GTF2F2: variants seen among roughly 807,000 people sequenced by gnomAD.
GTF2F2 encodes general transcription factor IIF subunit 2.
Under a neutral mutation model 42.2 loss-of-function variants are expected in GTF2F2, and 23 were observed. The ratio of observed to expected loss-of-function variants is 0.55; its 90% CI spans 0.39 to 0.77. The LOEUF (loss-of-function observed/expected upper bound fraction) is 0.77. Among genes scored for constraint, GTF2F2 ranks in the 30% least tolerant of loss-of-function variants. GTF2F2 has a pLI of 0.00. For missense variants in GTF2F2, 261 were observed against 287.2 expected (o/e 0.91, Z 0.66); for synonymous variants, 105 against 100.8 (o/e 1.04, Z -0.25).
intron 5 of GTF2F2, among the ~76,000 whole-genome samples, chr13:45,231,025 T>A (rs1381790651): frequency 6.6e-6 from 1 of 152,026 alleles, no homozygotes; most frequent in Non-Finnish European, 1.5e-5. Flanking sequence ...TAATTGTTTG[T>A]CATTGTATCA....
intron 4 of GTF2F2, among the ~76,000 whole-genome samples, chr13:45,197,208 A>G (rs1313043682): frequency 6.6e-6 from 1 of 151,668 alleles, no homozygotes; most frequent in Non-Finnish European, 1.5e-5. Context: ...TAAAGAAGAA[A>G]AATGTAGGCC....
chr13:45,271,288 A>G (rs1013096883), intron 7 of GTF2F2, among the ~76,000 whole-genome samples: 1 of 151,966 alleles, frequency 6.6e-6, no homozygotes, highest in Non-Finnish European at 1.5e-5. Context: ...AAAGAAAAAA[A>G]AAAAGAAAAC....
rs190215996 is a variant in GTF2F2 at position 45,247,068 on chromosome 13, G to A, written c.387-5803G>A. 2.0e-3 allele frequency among the ~76,000 whole-genome samples: 293 copies of A among 143,924 alleles called. 3 individuals are homozygous for A. Among genetic ancestry groups the A allele is most frequent in the African/African-American group, 7.1e-3 (275 of 38,670 alleles). 94.4% of individuals were successfully genotyped at this position (143,924 alleles called of 152,430 possible). A position where few individuals can be genotyped will look rare whatever the true frequency, so the allele number is the denominator to read the frequency against. ...AAAAAAAAAAAAAGTTAAGCTTCTT[G>A]GCTGGGCACTGCGGCTCACGCCTGT... On this transcript the variant is annotated intron_variant, in intron 5 of 7. Coordinates refer to ENST00000340473, the MANE Select transcript of GTF2F2 (RefSeq NM_004128.3).
chr13:45,126,797 T>C (rs1593442240), intron 1 of GTF2F2, among the ~76,000 whole-genome samples: 4 of 152,322 alleles, frequency 2.6e-5, no homozygotes, highest in African/African-American at 9.6e-5. Context: ...TTTCTGTGCA[T>C]GTGAATAGCA....
At position 45,126,245 on chromosome 13, in the gene GTF2F2, C is replaced by CTTT. The variant is rs11383296; in HGVS notation, c.66+5546_66+5548dup. Among the ~76,000 whole-genome samples, 232 of 100,602 alleles carry CTTT rather than the reference C, an allele frequency of 2.3e-3. 2 individuals are homozygous for CTTT. Among genetic ancestry groups the CTTT allele is most frequent in the African/African-American group, 6.1e-3 (140 of 22,932 alleles). The allele number at this position is 100,602 out of a possible 152,430, so 66.0% of individuals were successfully genotyped here. The stretch of plus-strand genomic sequence containing the variant: ...ACCTTGGCTTCAAAGGGAAGAACGA[C>CTTT]TTTTTTTTTTTTTTTTTTTTTTTTG... On this transcript the variant is annotated intron_variant, in intron 1 of 7. Transcript: ENST00000340473.
At chr13:45,194,981 G>T (rs1369042501) in intron 4 of GTF2F2, among the ~76,000 whole-genome samples, 1 of 152,146 alleles carries the variant, frequency 6.6e-6, no homozygotes, top group Non-Finnish European at 1.5e-5. Context: ...GCTTAATGTT[G>T]AATAATATTG....
chr13:45,270,488 A>C (rs61949212), intron 7 of GTF2F2, among the ~76,000 whole-genome samples: 4,290 of 152,236 alleles, frequency 0.028, 82 homozygotes, highest in Middle Eastern at 0.065. Flanking sequence ...GTGCTAGCTC[A>C]GGTCTCTCTT....
Position 45,123,634 on chromosome 13 carries a change from GA to G in GTF2F2, c.66+2926del, listed in dbSNP as rs11429504. On this transcript the variant is annotated intron_variant, in intron 1 of 7. Coordinates refer to ENST00000340473, the MANE Select transcript of GTF2F2 (RefSeq NM_004128.3). ...TACAGAGTGAAACCCTATCTAAAAA[GA>G]AAAAAAAAAAAACAACCAAAACCTA... 1.6e-3 allele frequency among the ~76,000 whole-genome samples: 211 copies of G among 129,046 alleles called. 1 individual carries two copies. The highest frequency in any genetic ancestry group is 4.2e-3 in the African/African-American group (158 of 37,740). 84.7% of individuals were successfully genotyped at this position (129,046 alleles called of 152,430 possible).
At chr13:45,245,991 ATTATTTAT>A (rs143999940) in intron 5 of GTF2F2, among the ~76,000 whole-genome samples, 17 of 140,936 alleles carry the variant, frequency 1.2e-4, no homozygotes, top group Middle Eastern at 3.6e-3. Flanking sequence ...GCCAACATCT[ATTATTTAT>A]TTATTTATTT....
chr13:45,153,924 C>T (rs1297552833), intron 4 of GTF2F2, among the ~76,000 whole-genome samples: 3 of 145,890 alleles, frequency 2.1e-5, no homozygotes, highest in African/African-American at 7.9e-5. Context: ...TAGAAGTGAG[C>T]CAAGATTGCA....
intron 4 of GTF2F2, among the ~76,000 whole-genome samples, chr13:45,167,692 C>T (rs1025234255): frequency 1.5e-4 from 23 of 152,118 alleles, no homozygotes; most frequent in Non-Finnish European, 1.5e-5. Flanking sequence ...AGCCACCGTG[C>T]CCGGCCCCCC....
At chr13:45,212,835 A>G (rs1302049856) in intron 5 of GTF2F2, among the ~76,000 whole-genome samples, 4 of 149,888 alleles carry the variant, frequency 2.7e-5, no homozygotes, top group Admixed American at 6.7e-5. Flanking sequence ...TCCGCCTCCC[A>G]CCTCCAAGCG....
At chr13:45,162,580 A>G (rs1391727058) in intron 4 of GTF2F2, among the ~76,000 whole-genome samples, 1 of 152,230 alleles carries the variant, frequency 6.6e-6, no homozygotes, top group Non-Finnish European at 1.5e-5. Context: ...TAAACCTAAT[A>G]GCAGAAAATG....
intron 4 of GTF2F2, among the ~76,000 whole-genome samples, chr13:45,153,254 G>A (rs1035091024): frequency 3.3e-5 from 5 of 151,460 alleles, no homozygotes; most frequent in Admixed American, 6.6e-5. Context: ...TCCTGACCTC[G>A]TGATCCGCCC....
chr13:45,189,976 G>A (rs1269852615), intron 4 of GTF2F2, among the ~76,000 whole-genome samples: 9 of 152,164 alleles, frequency 5.9e-5, no homozygotes, highest in Non-Finnish European at 1.3e-4. Flanking sequence ...AACACCAAAA[G>A]CAATGGCAAC....
intron 4 of GTF2F2, among the ~76,000 whole-genome samples, chr13:45,195,095 C>T (rs888933447): frequency 2.0e-5 from 3 of 151,904 alleles, no homozygotes; most frequent in African/African-American, 7.3e-5. Flanking sequence ...AATTTTCTTT[C>T]CCGGAAAAAG....
intron 5 of GTF2F2, among the ~76,000 whole-genome samples, chr13:45,212,583 G>T (rs775894489): frequency 4.6e-5 from 5 of 108,136 alleles, no homozygotes; most frequent in Non-Finnish European, 9.6e-5. Context: ...TTTTTTTTGA[G>T]ACAAGTCTTG....
At chr13:45,126,351 A>G (rs1451580595) in intron 1 of GTF2F2, among the ~76,000 whole-genome samples, 4 of 147,284 alleles carry the variant, frequency 2.7e-5, no homozygotes, top group South Asian at 2.1e-4. Context: ...TCCCGGCTTC[A>G]AGCGATTCTC....
intron 1 of GTF2F2, among the ~76,000 whole-genome samples, chr13:45,130,131 G>A (rs759539774): frequency 6.6e-6 from 1 of 152,254 alleles, no homozygotes; most frequent in Non-Finnish European, 1.5e-5. Context: ...TTTCTTCTGA[G>A]TGAGATGGGA....
Sources: gnomAD v4.1 joint callset for allele counts (sites outside exome capture counted in the v4.1 genomes callset) on GRCh38, gnomAD v4.1.1 for gene constraint, MANE v1.5 for transcripts, NCBI Gene and HGNC (gene_info 2026-07-23, HGNC 2026-07-21) for gene names.